The following L2HGDH variants were observed in gnomAD, a reference collection of about 807,000 sequenced individuals.
L2HGDH encodes L-2-hydroxyglutarate dehydrogenase, mitochondrial.
Under a neutral mutation model 51.5 loss-of-function variants are expected in L2HGDH, and 34 were observed. The ratio of observed to expected loss-of-function variants is 0.66; its 90% confidence interval spans 0.50 to 0.88. L2HGDH has a LOEUF of 0.88. Among genes scored for constraint, L2HGDH ranks in the 40% least tolerant of loss-of-function variants. L2HGDH has a pLI of 0.00. For missense variants in L2HGDH, 558 were observed against 571.9 expected, an observed-to-expected ratio of 0.98 and a Z score of 0.25; for synonymous variants, 198 against 197.9, an observed-to-expected ratio of 1.00 and a Z score of -0.01.
intron 5 of L2HGDH, among the ~76,000 whole-genome samples, chr14:50,280,673 T>TA (rs879631449): frequency 2.6e-5 from 4 of 151,750 alleles, no homozygotes; most frequent in Middle Eastern, 3.2e-3. Flanking sequence ...TTTATTTAAT[T>TA]AAAAAAAAAT....
intron 3 of L2HGDH, among the ~76,000 whole-genome samples, chr14:50,301,267 C>T (rs2030393522): frequency 6.6e-6 from 1 of 152,120 alleles, no homozygotes; most frequent in African/African-American, 2.4e-5. Flanking sequence ...TTTGGCAGTT[C>T]CTCAAAATGT....
chr14:50,248,828 C>T lies in L2HGDH; in HGVS notation c.1197-1575G>A, dbSNP rs113314457. ...ATCTGCACACAGAAAAGCACCGTCA[C>T]AAGAACCAAAAATCAGGTGAGCAAT... On this transcript the variant is annotated intron_variant, in intron 9 of 9. Transcript: ENST00000267436. Among the ~76,000 whole-genome samples the T allele has an allele frequency of 5.5e-3, 833 of 152,272 alleles. 11 individuals are homozygous for T. Among genetic ancestry groups the T allele is most frequent in the African/African-American group, 0.019 (804 of 41,542 alleles).
chr14:50,298,614 G>A (rs567210058), intron 3 of L2HGDH, among the ~76,000 whole-genome samples: 30 of 152,192 alleles, frequency 2.0e-4, no homozygotes, highest in East Asian at 5.8e-4. Context: ...ATGCCCGGCC[G>A]GGAGGTCAAG....
At position 50,244,408 on chromosome 14, in the gene L2HGDH, T is replaced by C. The variant is rs762682967; in HGVS notation, c.*2650A>G. On this transcript the variant is annotated 3_prime_UTR_variant, in exon 10 of 10. Coordinates refer to ENST00000267436, the MANE Select transcript of L2HGDH (RefSeq NM_024884.3). Reference sequence around the variant, plus strand: ...TTGAGGACTGCTTCAATTAGGACAATCATTTTTTGTAATTCAATGTTTACA... The same window carrying C: ...TTGAGGACTGCTTCAATTAGGACAACCATTTTTTGTAATTCAATGTTTACA... The C allele has an allele frequency of 5.1e-6, 5 of 985,268 alleles. No homozygotes were observed. The highest frequency in any genetic ancestry group is 6.0e-6 in the Non-Finnish European group (5 of 829,884). The allele number at this position is 985,268 out of a possible 1,614,324, so 61.0% of individuals were successfully genotyped here.
intron 3 of L2HGDH, among the ~76,000 whole-genome samples, chr14:50,300,453 C>G (rs1480005988): frequency 2.0e-5 from 3 of 152,054 alleles, no homozygotes; most frequent in Non-Finnish European, 4.4e-5. Flanking sequence ...TGCCACCACA[C>G]CCGGCTAATT....
Position 50,293,979 on chromosome 14 carries a change from G to A in L2HGDH, c.540+136C>T, listed in dbSNP as rs1168903209. 7.7e-6 allele frequency: 8 copies of A among 1,037,742 alleles called. No homozygotes were observed. In the African/African-American group the frequency reaches 9.5e-5, roughly 12 times the overall value. The allele number at this position is 1,037,742 out of a possible 1,614,324, so 64.3% of individuals were successfully genotyped here. A position where few individuals can be genotyped will look rare whatever the true frequency, so the allele number is the denominator to read the frequency against. On this transcript the variant is annotated intron_variant, in intron 4 of 9. Coordinates refer to ENST00000267436, the MANE Select transcript of L2HGDH (RefSeq NM_024884.3). The stretch of plus-strand genomic sequence containing the variant: ...AGAGTTTGTGACAATGCCCTCTTGT[G>A]TCTGTCACTTCACTACTTCTGTGAC...
At position 50,245,413 on chromosome 14, in the gene L2HGDH, T is replaced by G; in HGVS notation, c.*1645A>C. 2 of 985,334 alleles carry G rather than the reference T, an allele frequency of 2.0e-6. No homozygotes were observed. Among genetic ancestry groups the G allele is most frequent in the Non-Finnish European group, 2.4e-6 (2 of 829,834 alleles). The allele number at this position is 985,334 out of a possible 1,614,324, so 61.0% of individuals were successfully genotyped here. ...ACAGGACAACCACTCAGTGTACCAC[T>G]GTTTAGATTTCATGATGATACCATA... On this transcript the variant is annotated 3_prime_UTR_variant, in exon 10 of 10. Coordinates refer to ENST00000267436, the MANE Select transcript of L2HGDH (RefSeq NM_024884.3).
At chr14:50,263,380 C>T (rs1889148268) in intron 9 of L2HGDH, among the ~76,000 whole-genome samples, 2 of 152,158 alleles carry the variant, frequency 1.3e-5, no homozygotes, top group South Asian at 2.1e-4. Flanking sequence ...AGAGGAAAAA[C>T]GTTAGCTGAG....
chr14:50,297,339 T>A (rs1263957189), intron 3 of L2HGDH, among the ~76,000 whole-genome samples: 4 of 151,696 alleles, frequency 2.6e-5, no homozygotes, highest in African/African-American at 9.7e-5. Context: ...GATGACATGA[T>A]CCTGCATATA....
rs149220807 is a variant in L2HGDH at position 50,278,545 on chromosome 14, T to C, written c.713A>G (p.Tyr238Cys). The change falls in exon 6 of 10, where the codon TAT becomes TGT. Residue 238 changes from tyrosine to cysteine, a missense_variant. Around this residue, in one of 3 missense-constraint regions of L2HGDH, gnomAD observed 321 missense variants for 311.8 expected, o/e 1.03. Transcript: ENST00000267436. Reference sequence around the variant, plus strand: ...CTTTGTATTCTTTATAACAATTGGATATTGCATTCCTGAAAAAAAAGAATA... The same window carrying C: ...CTTTGTATTCTTTATAACAATTGGACATTGCATTCCTGAAAAAAAAGAATA... ...SPSRSIDGMQ[Y>C]PIVIKNTKGE... 2.3e-5 allele frequency: 34 copies of C among 1,467,292 alleles called. No homozygotes were observed. In the African/African-American group the frequency reaches 3.8e-4, roughly 16 times the overall value. 90.9% of individuals were successfully genotyped at this position (1,467,292 alleles called of 1,614,324 possible). A position where few individuals can be genotyped will look rare whatever the true frequency, so the allele number is the denominator to read the frequency against.
chr14:50,309,254 G>T (rs2030910773), intron 1 of L2HGDH, among the ~76,000 whole-genome samples: 2 of 152,050 alleles, frequency 1.3e-5, no homozygotes, highest in Admixed American at 1.3e-4. Flanking sequence ...GTTTTATACT[G>T]AATATTTGGT....
At chr14:50,306,609 T>TG (rs2030743336) in intron 1 of L2HGDH, among the ~76,000 whole-genome samples, 1 of 150,380 alleles carries the variant, frequency 6.6e-6, no homozygotes, top group African/African-American at 2.4e-5. Context: ...GGTTTTTTTT[T>TG]TTTTTTTAGA....
rs182949074 is a variant in L2HGDH, at chr14:50,267,723, A to C, written c.1064+30T>G. 13 of 1,537,442 alleles carry C rather than the reference A, an allele frequency of 8.5e-6. No homozygotes were observed. In the African/African-American group the frequency reaches 1.5e-4, roughly 18 times the overall value. ...TCCCACATTGAAAATATAAGCACAT[A>C]AAATCATTTTTAAAAATAAATAATG... is the stretch of plus-strand genomic sequence containing the variant. On this transcript the variant is annotated intron_variant, in intron 8 of 9. Coordinates refer to ENST00000267436, the MANE Select transcript of L2HGDH (RefSeq NM_024884.3).
In L2HGDH at chr14:50,245,519, T is replaced by C. The variant is rs915560240; in HGVS notation, c.*1539A>G. ...TTTCCTACAAATATTATAATTAAGA[T>C]AGAAACTTATTCAAACTACTCAAAA... On this transcript the variant is annotated 3_prime_UTR_variant, in exon 10 of 10. Transcript: ENST00000267436. 2 of 971,664 alleles carry C rather than the reference T, an allele frequency of 2.1e-6. No homozygotes were observed. The highest frequency in any genetic ancestry group is 4.8e-5 in the South Asian group (1 of 21,010). 60.2% of individuals were successfully genotyped at this position (971,664 alleles called of 1,614,324 possible).
chr14:50,290,292 CA>C (rs1347941923), intron 4 of L2HGDH, among the ~76,000 whole-genome samples: 1 of 151,314 alleles, frequency 6.6e-6, no homozygotes, highest in Non-Finnish European at 1.5e-5. Flanking sequence ...AACAAACAAA[CA>C]AAAAAAACTC....
intron 1 of L2HGDH, among the ~76,000 whole-genome samples, chr14:50,309,827 A>G (rs8021001): frequency 0.57 from 85,697 of 151,278 alleles, 24,230 homozygotes; most frequent in East Asian, 0.67. Context: ...GGACTACAGG[A>G]GCAAGCCACC....
Position 50,244,542 on chromosome 14 carries a change from T to G in L2HGDH, c.*2516A>C, listed in dbSNP as rs1013246912. 3.0e-6 allele frequency: 3 copies of G among 985,372 alleles called. No homozygotes were observed. Among genetic ancestry groups the G allele is most frequent in the Admixed American group, 6.1e-5 (1 of 16,272 alleles). The allele number at this position is 985,372 out of a possible 1,614,324, so 61.0% of individuals were successfully genotyped here. A position where few individuals can be genotyped will look rare whatever the true frequency, so the allele number is the denominator to read the frequency against. ...AAAAATATCCTGTGTTTGCATTTCT[T>G]GCAGGAATCAGCTGTTATAAAGAAA... On this transcript the variant is annotated 3_prime_UTR_variant, in exon 10 of 10. Transcript: ENST00000267436.
intron 4 of L2HGDH, among the ~76,000 whole-genome samples, chr14:50,290,274 AAAACAAAAAC>A (rs1173305445): frequency 1.3e-5 from 2 of 152,148 alleles, no homozygotes; most frequent in African/African-American, 4.8e-5. Context: ...CTCATAAAAA[AAAACAAAAAC>A]AAACAAACAA....
rs1032358398 is a variant in L2HGDH, at chr14:50,245,570, A to T, written c.*1488T>A. The T allele has an allele frequency of 2.1e-6, 2 of 969,148 alleles. No individual in the cohort carries two copies. Among genetic ancestry groups the T allele is most frequent in the Non-Finnish European group, 2.5e-6 (2 of 815,246 alleles). The allele number at this position is 969,148 out of a possible 1,614,324, so 60.0% of individuals were successfully genotyped here. ...ATGTAAATTTTATGTATTTTCTTGA[A>T]ATCATGAATTTTTAATTTCCAAATA... On this transcript the variant is annotated 3_prime_UTR_variant, in exon 10 of 10. Transcript: ENST00000267436.
Sources: allele counts gnomAD v4.1 joint callset (sites outside exome capture counted in the v4.1 genomes callset), GRCh38; gene constraint gnomAD v4.1.1; regional missense constraint gnomAD v4.1.1; transcripts MANE v1.5; gene names NCBI Gene and HGNC (gene_info 2026-07-23, HGNC 2026-07-21).